CNTN4: variants seen among roughly 807,000 people sequenced by gnomAD.
The protein encoded by CNTN4 is contactin 4.
A neutral mutation model predicts 122.5 loss-of-function variants in CNTN4; 77 were observed. The observed-to-expected ratio is 0.63, with a 90% CI of 0.52 to 0.76. CNTN4 has a LOEUF of 0.76. CNTN4 is among the 30% of genes least tolerant of loss of function. CNTN4 has a pLI of 0.00. For missense variants in CNTN4, 1,256 were observed against 1,259.1 expected (o/e 1.00, Z 0.04); for synonymous variants, 512 against 447.0 (o/e 1.15, Z -1.83).
intron 6 of CNTN4, among the ~76,000 whole-genome samples, chr3:2,801,856 A>C (rs538774362): frequency 1.2e-4 from 19 of 152,276 alleles, no homozygotes; most frequent in Admixed American, 8.5e-4. Flanking sequence ...CTGAGTTTCA[A>C]ATATTTTCTA....
intron 2 of CNTN4, among the ~76,000 whole-genome samples, chr3:2,108,240 T>A (rs1327876363): frequency 1.3e-5 from 2 of 151,672 alleles, no homozygotes; most frequent in African/African-American, 4.8e-5. Context: ...TTGTCTACTG[T>A]GTTTATTACA....
At chr3:2,843,002 T>C (rs952742983) in intron 7 of CNTN4, among the ~76,000 whole-genome samples, 4 of 152,252 alleles carry the variant, frequency 2.6e-5, no homozygotes, top group African/African-American at 9.6e-5. Flanking sequence ...TCAAATGCCA[T>C]CTTTATACTG....
chr3:2,593,957 T>C (rs1255222758), intron 4 of CNTN4, among the ~76,000 whole-genome samples: 1 of 152,192 alleles, frequency 6.6e-6, no homozygotes. Flanking sequence ...AATAACATTA[T>C]TTTAACATAA....
intron 4 of CNTN4, among the ~76,000 whole-genome samples, chr3:2,660,389 CT>C (rs1223830484): frequency 1.3e-5 from 2 of 152,166 alleles, no homozygotes; most frequent in African/African-American, 2.4e-5. Flanking sequence ...AAGCAGCAAA[CT>C]ACGCAAAATA....
chr3:2,687,943 G>A (rs1472141980), intron 4 of CNTN4, among the ~76,000 whole-genome samples: 1 of 152,146 alleles, frequency 6.6e-6, no homozygotes, highest in African/African-American at 2.4e-5. Flanking sequence ...AGGGAGGATA[G>A]AACTCAGGTC....
chr3:2,894,500 A>C (rs990688028), intron 10 of CNTN4, among the ~76,000 whole-genome samples: 1 of 152,220 alleles, frequency 6.6e-6, no homozygotes, highest in Non-Finnish European at 1.5e-5. Flanking sequence ...AAATGAGTAC[A>C]AGTCTACTTA....
intron 4 of CNTN4, among the ~76,000 whole-genome samples, chr3:2,641,625 C>T (rs1174107205): frequency 6.6e-6 from 1 of 152,134 alleles, no homozygotes; most frequent in Non-Finnish European, 1.5e-5. Context: ...TTCACAATGA[C>T]CCTAGTCTAC....
intron 3 of CNTN4, among the ~76,000 whole-genome samples, chr3:2,496,258 G>T (rs1252521464): frequency 6.6e-6 from 1 of 152,000 alleles, no homozygotes; most frequent in Non-Finnish European, 1.5e-5. Flanking sequence ...AGTCGATATT[G>T]ATTTAATTCT....
chr3:2,260,730 TTA>T (rs1239996839), intron 2 of CNTN4, among the ~76,000 whole-genome samples: 7 of 82,044 alleles, frequency 8.5e-5, no homozygotes, highest in East Asian at 6.0e-4. Flanking sequence ...TTTTATTTAT[TTA>T]TTTTTTTTTT....
At chr3:2,235,303 G>T (rs2039638747) in intron 2 of CNTN4, among the ~76,000 whole-genome samples, 3 of 152,032 alleles carry the variant, frequency 2.0e-5, no homozygotes, top group Admixed American at 2.0e-4. Context: ...AACTATTTAG[G>T]TTAAGCAGCT....
At chr3:3,013,302 C>A (rs1359821161) in intron 14 of CNTN4, among the ~76,000 whole-genome samples, 1 of 152,112 alleles carries the variant, frequency 6.6e-6, no homozygotes, top group Admixed American at 6.5e-5. Flanking sequence ...AACCTAGAAA[C>A]TAGGCTTTTA....
intron 8 of CNTN4, among the ~76,000 whole-genome samples, chr3:2,881,355 A>G (rs1371259135): frequency 1.3e-5 from 2 of 152,158 alleles, no homozygotes; most frequent in Non-Finnish European, 2.9e-5. Flanking sequence ...GCTACTAAAA[A>G]TACAAAAAGT....
intron 4 of CNTN4, among the ~76,000 whole-genome samples, chr3:2,670,713 T>A (rs568045050): frequency 2.8e-4 from 42 of 152,286 alleles, no homozygotes; most frequent in Non-Finnish European, 4.7e-4. Context: ...ATTTGGCATG[T>A]TTTTGCAGTG....
At chr3:2,485,308 C>T (rs149870534) in intron 3 of CNTN4, among the ~76,000 whole-genome samples, 2,729 of 152,328 alleles carry the variant, frequency 0.018, 94 homozygotes, top group African/African-American at 0.061. Context: ...CGCGGTGGCA[C>T]GGGACTGGTG....
chr3:2,623,736 A>C (rs914868350), intron 4 of CNTN4, among the ~76,000 whole-genome samples: 3 of 152,160 alleles, frequency 2.0e-5, no homozygotes, highest in African/African-American at 7.2e-5. Flanking sequence ...AGAGTGGAAA[A>C]CAGTAATATG....
intron 6 of CNTN4, among the ~76,000 whole-genome samples, chr3:2,812,247 C>T (rs769218785): frequency 2.0e-4 from 31 of 152,134 alleles, no homozygotes; most frequent in Non-Finnish European, 4.0e-4. Flanking sequence ...CTGTAACAAA[C>T]CTGCACATGT....
At chr3:2,414,462 T>A (rs563696341) in intron 3 of CNTN4, among the ~76,000 whole-genome samples, 139 of 152,332 alleles carry the variant, frequency 9.1e-4, no homozygotes, top group African/African-American at 3.2e-3. Flanking sequence ...TAAATAAATA[T>A]GTAAAATGAC....
At chr3:2,713,603 T>G (rs749011339) in intron 4 of CNTN4, among the ~76,000 whole-genome samples, 1 of 152,154 alleles carries the variant, frequency 6.6e-6, no homozygotes, top group Admixed American at 6.5e-5. Flanking sequence ...AGAAAATCTT[T>G]TATGTCCTGC....
intron 14 of CNTN4, among the ~76,000 whole-genome samples, chr3:3,024,787 G>C (rs931526720): frequency 6.6e-6 from 1 of 152,150 alleles, no homozygotes; most frequent in Non-Finnish European, 1.5e-5. Context: ...TGGGTTATCA[G>C]CAAGTAAGAC....
Sources: gnomAD v4.1 joint callset for allele counts (sites outside exome capture counted in the v4.1 genomes callset) on GRCh38, gnomAD v4.1.1 for gene constraint, MANE v1.5 for transcripts, NCBI Gene and HGNC (gene_info 2026-07-23, HGNC 2026-07-21) for gene names.